Variants in CMTM7 observed in about 807,000 individuals in gnomAD.
The protein encoded by CMTM7 is CKLF-like MARVEL transmembrane domain-containing protein 7.
In CMTM7, 7 loss-of-function variants were observed where a neutral mutation model predicts 19.3. The ratio of observed to expected loss-of-function variants is 0.36; its 90% CI spans 0.21 to 0.68. The LOEUF is 0.68. CMTM7 is among the 30% of genes least tolerant of loss of function. CMTM7 has a pLI of 0.60. For synonymous variants in CMTM7, 87 were observed against 99.3 expected, an observed-to-expected ratio of 0.88 and a Z score of 0.74; for missense variants, 193 against 232.6, an observed-to-expected ratio of 0.83 and a Z score of 1.11.
At chr3:32,411,804 C>T (rs1258220633) in intron 1 of CMTM7, among the ~76,000 whole-genome samples, 2 of 152,232 alleles carry the variant, frequency 1.3e-5, no homozygotes, top group African/African-American at 4.8e-5. Flanking sequence ...CTTGGCCAGG[C>T]GCAGTGGCTC....
At chr3:32,450,517 C>T (rs951010160) in intron 3 of CMTM7, among the ~76,000 whole-genome samples, 1 of 152,126 alleles carries the variant, frequency 6.6e-6, no homozygotes, top group Non-Finnish European at 1.5e-5. Flanking sequence ...CCTGGAATTC[C>T]ACTGAGGGAT....
intron 3 of CMTM7, chr3:32,452,009 G>A (rs751076461): frequency 1.9e-5 from 21 of 1,134,490 alleles, no homozygotes; most frequent in East Asian, 1.1e-4. Context: ...TCATGGGAAC[G>A]TTCAGATTTT....
In CMTM7 at chr3:32,449,055, C is replaced by T. The variant is rs1304761752; in HGVS notation, c.334-399C>T. On this transcript the variant is annotated intron_variant, in intron 2 of 4. Transcript: ENST00000334983. This position sits in a 1 kb window ranked among gnomAD's most constrained non-coding sequence, Gnocchi z 4.5. ...ATCTCTTTAAGGTACTTTGCTTCTC[C>T]GAGCTGGAGCTTTGTTTAAACTCTC... 2.0e-5 allele frequency among the ~76,000 whole-genome samples: 3 copies of T among 152,194 alleles called. No homozygotes were observed. Among genetic ancestry groups the T allele is most frequent in the Non-Finnish European group, 2.9e-5 (2 of 68,028 alleles).
intron 1 of CMTM7, among the ~76,000 whole-genome samples, chr3:32,436,105 A>G (rs1696593548): frequency 6.6e-6 from 1 of 152,246 alleles, no homozygotes; most frequent in African/African-American, 2.4e-5. Context: ...CCTGGAGCTC[A>G]GGACCCCGGA....
intron 1 of CMTM7, among the ~76,000 whole-genome samples, chr3:32,415,248 T>C (rs1696243265): frequency 6.6e-6 from 1 of 152,072 alleles, no homozygotes; most frequent in Admixed American, 6.6e-5. Context: ...GGGACCTGCA[T>C]TTTAACGCAT....
chr3:32,454,680 G>A lies in CMTM7; in HGVS notation c.*426G>A, dbSNP rs78275132. ...CCTAATTTATCTAGCTTGTCAGTCC[G>A]GTCTTAGAGATACCCTCTTTCCTGA... On this transcript the variant is annotated 3_prime_UTR_variant, in exon 5 of 5. Coordinates refer to ENST00000334983, the MANE Select transcript of CMTM7 (RefSeq NM_138410.4). 2,211 of 356,806 alleles carry A rather than the reference G, an allele frequency of 6.2e-3. 7 individuals are homozygous for A. The highest frequency in any genetic ancestry group is 0.01 in the Admixed American group (270 of 26,340). The allele number at this position is 356,806 out of a possible 1,614,324, so 22.1% of individuals were successfully genotyped here. A position where few individuals can be genotyped will look rare whatever the true frequency, so the allele number is the denominator to read the frequency against.
Position 32,416,369 on chromosome 3 carries a change from T to TC in CMTM7, c.159+24304_159+24305insC, listed in dbSNP as rs1559405702. Among the ~76,000 whole-genome samples, 5 of 70,012 alleles carry TC rather than the reference T, an allele frequency of 7.1e-5. 2 individuals are homozygous for TC. Among genetic ancestry groups the TC allele is most frequent in the Non-Finnish European group, 1.1e-4 (4 of 37,152 alleles). The allele number at this position is 70,012 out of a possible 152,430, so 45.9% of individuals were successfully genotyped here. On this transcript the variant is annotated intron_variant, in intron 1 of 4. Transcript: ENST00000334983. ...CGCCACCATCCGGGCTAATTTTTTT[T>TC]TTTTTTTTTTTTTTTTTTTTTTTTT...
chr3:32,426,197 A>C (rs188416331), intron 1 of CMTM7, among the ~76,000 whole-genome samples: 1 of 152,288 alleles, frequency 6.6e-6, no homozygotes, highest in East Asian at 1.9e-4. Context: ...AGCAAACTAG[A>C]ATATCTGCTC....
intron 1 of CMTM7, 48 bp from the exon 2 acceptor site, chr3:32,441,792 T>G (rs760621424): frequency 1.3e-6 from 2 of 1,562,648 alleles, no homozygotes; most frequent in Non-Finnish European, 1.8e-6. Context: ...GTTCCCTGGG[T>G]GCCCGTCTTG....
chr3:32,397,941 A>G (rs1194383262), intron 1 of CMTM7, among the ~76,000 whole-genome samples: 1 of 152,174 alleles, frequency 6.6e-6, no homozygotes. Context: ...ACGTTCTGAT[A>G]GTTGCCCACC....
chr3:32,446,466 G>A (rs1289325687), intron 2 of CMTM7, among the ~76,000 whole-genome samples: 1 of 151,610 alleles, frequency 6.6e-6, no homozygotes, highest in Non-Finnish European at 1.5e-5. Context: ...TTTTTTTATT[G>A]TTTTCCTATT....
chr3:32,447,745 C>T (rs529401179), intron 2 of CMTM7, among the ~76,000 whole-genome samples: 6 of 152,162 alleles, frequency 3.9e-5, no homozygotes, highest in African/African-American at 1.4e-4. Context: ...AGTGTAGACA[C>T]CCTGGCTTTC....
intron 2 of CMTM7, among the ~76,000 whole-genome samples, chr3:32,448,417 G>A (rs1217086672): frequency 6.6e-6 from 1 of 152,232 alleles, no homozygotes; most frequent in Non-Finnish European, 1.5e-5. Flanking sequence ...ATAGCTGCCT[G>A]CCCTAAGGGG....
intron 3 of CMTM7, among the ~76,000 whole-genome samples, chr3:32,450,199 A>G (rs1696810509): frequency 6.6e-6 from 1 of 152,200 alleles, no homozygotes. Flanking sequence ...CTAACTATTT[A>G]TAGTTCAGTG....
intron 2 of CMTM7, among the ~76,000 whole-genome samples, chr3:32,444,418 T>C (rs1368892746): frequency 1.3e-5 from 2 of 152,254 alleles, no homozygotes; most frequent in East Asian, 3.8e-4. Flanking sequence ...TTGATCTATG[T>C]GTCTGTCGTT....
rs1696882495 is a variant in CMTM7, at chr3:32,454,564, C to T, written c.*310C>T. On this transcript the variant is annotated 3_prime_UTR_variant, in exon 5 of 5. Coordinates refer to ENST00000334983, the MANE Select transcript of CMTM7 (RefSeq NM_138410.4). ...TCAGGTACTGATGAACCCCACTTAG[C>T]ACAGCTGAAGGGGTTTGTGAATACT... is the stretch of plus-strand genomic sequence containing the variant. 1.7e-6 allele frequency: 1 copy of T among 604,154 alleles called. No individual in the cohort carries two copies. The highest frequency in any genetic ancestry group is 3.1e-6 in the Non-Finnish European group (1 of 325,312). The allele number at this position is 604,154 out of a possible 1,614,324, so 37.4% of individuals were successfully genotyped here. A position where few individuals can be genotyped will look rare whatever the true frequency, so the allele number is the denominator to read the frequency against.
rs114868482 is a variant in CMTM7, at chr3:32,398,443, G to A, written c.159+6378G>A. 9.1e-3 allele frequency among the ~76,000 whole-genome samples: 1,392 copies of A among 152,178 alleles called. 17 individuals are homozygous for A. Among genetic ancestry groups the A allele is most frequent in the African/African-American group, 0.027 (1,115 of 41,502 alleles). On this transcript the variant is annotated intron_variant, in intron 1 of 4. Transcript: ENST00000334983. ...GATCAGCTAACTAGTAGGTGATCAC[G>A]ACTGTGTGCTAGGGAACTGTGGAAA...
Position 32,441,746 on chromosome 3 carries a change from G to T in CMTM7, c.160-94G>T, listed in dbSNP as rs114785012. The T allele has an allele frequency of 3.9e-4, 411 of 1,055,070 alleles. 3 individuals carry two copies. The African/African-American group carries it at 6.0e-3, about 16-fold the overall frequency. 65.4% of individuals were successfully genotyped at this position (1,055,070 alleles called of 1,614,324 possible). ...TATTAATAGCAGTTCTTCAATGTGGGCCTGCTGGGGGATGCTTGGTTGTTT... is the reference window on the plus strand; with the variant it reads ...TATTAATAGCAGTTCTTCAATGTGGTCCTGCTGGGGGATGCTTGGTTGTTT... On this transcript the variant is annotated intron_variant, in intron 1 of 4. Coordinates refer to ENST00000334983, the MANE Select transcript of CMTM7 (RefSeq NM_138410.4).
chr3:32,393,823 C>G (rs934231914), intron 1 of CMTM7, among the ~76,000 whole-genome samples: 1 of 150,546 alleles, frequency 6.6e-6, no homozygotes, highest in Admixed American at 6.6e-5. Flanking sequence ...AGATGAGAAG[C>G]CTTCATGTGG....
Sources: allele counts gnomAD v4.1 joint callset (sites outside exome capture counted in the v4.1 genomes callset), GRCh38; gene constraint gnomAD v4.1.1; non-coding constraint Gnocchi (gnomAD v3.1); transcripts MANE v1.5; gene names NCBI Gene and HGNC (gene_info 2026-07-23, HGNC 2026-07-21).